ZXDC: variants seen among roughly 807,000 people sequenced by gnomAD.
The protein encoded by ZXDC is ZXD family zinc finger C, also known as zinc finger protein ZXDC.
Under a neutral mutation model 63.6 loss-of-function variants are expected in ZXDC, and 58 were observed. That is an observed-to-expected ratio of 0.91 (90% CI 0.74 to 1.13). The LOEUF is 1.13. Ranked by LOEUF, ZXDC falls within the 50% of genes most tolerant of loss-of-function variation. ZXDC has a pLI of 0.00. For synonymous variants in ZXDC, 561 were observed against 496.1 expected (o/e 1.13, Z -1.74); for missense variants, 1,133 against 1,148.9 (o/e 0.99, Z 0.20).
chr3:126,465,851 T>C (rs1934736027), intron 5 of ZXDC, among the ~76,000 whole-genome samples: 1 of 152,084 alleles, frequency 6.6e-6, no homozygotes, highest in Non-Finnish European at 1.5e-5. Flanking sequence ...CTCTGGAGAC[T>C]GGGGTGGGAG....
At chr3:126,462,336 C>T in intron 5 of ZXDC, 116 bp from the exon 6 acceptor site, 1 of 1,443,204 alleles carries the variant, frequency 6.9e-7, no homozygotes, top group Non-Finnish European at 9.1e-7. Flanking sequence ...TGTCCTCTTC[C>T]CACACCCTGA....
At chr3:126,450,468 C>G in intron 7 of ZXDC, 1 of 456,738 alleles carries the variant, frequency 2.2e-6, no homozygotes, top group Non-Finnish European at 4.4e-6. Flanking sequence ...CCTGCATCCT[C>G]AAAGATGCCC....
At chr3:126,440,136 C>T in intron 8 of ZXDC, 1 of 1,015,014 alleles carries the variant, frequency 9.9e-7, no homozygotes. Context: ...TCCCTGCATG[C>T]CCCAGCTTGC....
At position 126,472,247 on chromosome 3, in the gene ZXDC, G is replaced by C. The variant is rs1935009580; in HGVS notation, c.966C>G (p.Phe322Leu). The change falls in exon 2 of 10, where the codon TTC becomes TTG. Residue 322 changes from phenylalanine to leucine, a missense_variant. Physicochemically the swap from Phe to Leu is conservative, Grantham distance 22 (BLOSUM62 0). Coordinates refer to ENST00000389709, the MANE Select transcript of ZXDC (RefSeq NM_025112.5). ...AGCAGGAAAAGAGCTCTTGTTCCCTGAAGTGGGCTCGGTTATGGGAAAACA... is the reference window on the plus strand; with the variant it reads ...AGCAGGAAAAGAGCTCTTGTTCCCTCAAGTGGGCTCGGTTATGGGAAAACA... ...SALFSHNRAH[F>L]REQELFSCSF... 1 of 1,613,024 alleles carries C rather than the reference G, an allele frequency of 6.2e-7. No individual in the cohort carries two copies. Among genetic ancestry groups the C allele is most frequent in the African/African-American group, 1.3e-5 (1 of 74,914 alleles).
chr3:126,469,513 C>T (rs956387493), intron 4 of ZXDC, among the ~76,000 whole-genome samples: 19 of 152,178 alleles, frequency 1.2e-4, no homozygotes, highest in African/African-American at 3.9e-4. Flanking sequence ...TTCTCTTTTC[C>T]CACTGTTAAG....
chr3:126,469,111 T>C (rs1378081807), intron 4 of ZXDC, among the ~76,000 whole-genome samples: 5 of 152,312 alleles, frequency 3.3e-5, no homozygotes, highest in East Asian at 1.9e-4. Flanking sequence ...GAGCTTCAAG[T>C]GTTTGTCCGA....
At chr3:126,464,590 G>A (rs1293478426) in intron 5 of ZXDC, among the ~76,000 whole-genome samples, 1 of 152,108 alleles carries the variant, frequency 6.6e-6, no homozygotes, top group Admixed American at 6.6e-5. Context: ...CTACAGAAGA[G>A]GGTCTCACAT....
chr3:126,450,541 G>A (rs1282638116), intron 7 of ZXDC: 2 of 456,308 alleles, frequency 4.4e-6, no homozygotes, highest in African/African-American at 4.0e-5. Flanking sequence ...CCACATGCAT[G>A]TGACTAGAAA....
chr3:126,438,881 C>T (rs1933564157), intron 9 of ZXDC, among the ~76,000 whole-genome samples: 1 of 152,222 alleles, frequency 6.6e-6, no homozygotes, highest in Non-Finnish European at 1.5e-5. Flanking sequence ...CCTCCTGCTA[C>T]AAGAAGTGTT....
intron 6 of ZXDC, chr3:126,459,959 G>A (rs1358995416): frequency 3.0e-6 from 3 of 985,366 alleles, no homozygotes; most frequent in Non-Finnish European, 3.6e-6. Context: ...ATCCAGAGAA[G>A]CAAAGTTCAT....
intron 7 of ZXDC, among the ~76,000 whole-genome samples, chr3:126,444,255 G>A (rs11714084): frequency 0.23 from 34,303 of 152,120 alleles, 4,399 homozygotes; most frequent in East Asian, 0.4. Context: ...AATATTGGCC[G>A]GGCGCAGTGG....
At chr3:126,440,480 A>G (rs1576657595) in intron 8 of ZXDC, 2 of 985,558 alleles carry the variant, frequency 2.0e-6, no homozygotes, top group South Asian at 9.4e-5. Flanking sequence ...CCCAGGTTTA[A>G]TCAGGCATCT....
In ZXDC at chr3:126,454,238, C is replaced by G. The variant is rs1022670847; in HGVS notation, c.2212+5415G>C. The G allele has an allele frequency of 7.1e-6, 7 of 984,700 alleles. No individual in the cohort carries two copies. In the East Asian group the frequency reaches 6.8e-4, roughly 96 times the overall value. The allele number at this position is 984,700 out of a possible 1,614,324, so 61.0% of individuals were successfully genotyped here. On this transcript the variant is annotated intron_variant, in intron 7 of 9. Coordinates refer to ENST00000389709, the MANE Select transcript of ZXDC (RefSeq NM_025112.5). Reference sequence around the variant, plus strand: ...TTCTGCTTGATCAGCAAATAATGAACTAATCACTTTCAAACTGCTAGTTTC... The same window carrying G: ...TTCTGCTTGATCAGCAAATAATGAAGTAATCACTTTCAAACTGCTAGTTTC...
rs534863085 is a variant in ZXDC, at chr3:126,462,895, G to T, written c.1442-675C>A. Reference sequence around the variant, plus strand: ...TTCCAGGCATGCTGGGGGCCCCCTAGACGGAGCTTTTCCTGATGGGCTTTC... The same window carrying T: ...TTCCAGGCATGCTGGGGGCCCCCTATACGGAGCTTTTCCTGATGGGCTTTC... On this transcript the variant is annotated intron_variant, in intron 5 of 9. Coordinates refer to ENST00000389709, the MANE Select transcript of ZXDC (RefSeq NM_025112.5). 1.3e-4 allele frequency among the ~76,000 whole-genome samples: 20 copies of T among 152,196 alleles called. No individual in the cohort carries two copies. In the East Asian group the frequency reaches 3.7e-3, roughly 28 times the overall value.
intron 7 of ZXDC, among the ~76,000 whole-genome samples, chr3:126,447,039 A>G (rs1933909182): frequency 1.3e-5 from 2 of 152,326 alleles, no homozygotes; most frequent in South Asian, 4.1e-4. Context: ...CTCACACGAC[A>G]GGTCCTTTGT....
rs1934579982 is a variant in ZXDC at position 126,462,165 on chromosome 3, G to T, written c.1497C>A (p.Ser499Arg). The T allele has an allele frequency of 5.0e-6, 8 of 1,611,330 alleles. No homozygotes were observed. Among genetic ancestry groups the T allele is most frequent in the Non-Finnish European group, 5.1e-6 (6 of 1,179,878 alleles). The change falls in exon 6 of 10, where the codon AGC (serine) becomes AGA (arginine). Residue 499 changes from serine to arginine, a missense_variant. Coordinates refer to ENST00000389709, the MANE Select transcript of ZXDC (RefSeq NM_025112.5). Reference protein sequence around the residue: ...PSSLTPSSELSSPGQSELTNM... With the variant: ...PSSLTPSSELRSPGQSELTNM... ...TAGTGAGCTCACTTTGGCCTGGGCTGCTGAGTTCACTGCTGGGAGTAAGAG... is the reference window on the plus strand; with the variant it reads ...TAGTGAGCTCACTTTGGCCTGGGCTTCTGAGTTCACTGCTGGGAGTAAGAG...
chr3:126,455,694 C>A (rs1934276730), intron 7 of ZXDC, among the ~76,000 whole-genome samples: 1 of 152,166 alleles, frequency 6.6e-6, no homozygotes, highest in South Asian at 2.1e-4. Context: ...CTGACTACAG[C>A]CCAAAGAATC....
rs1160548621 is a variant in ZXDC at position 126,475,272 on chromosome 3, C to A, written c.594G>T (p.Thr198=). The A allele has an allele frequency of 6.4e-7, 1 of 1,553,526 alleles. No individual in the cohort carries two copies. The highest frequency in any genetic ancestry group is 8.7e-7 in the Non-Finnish European group (1 of 1,148,574). ...KKHQLKVHLL[T]HGGGQGRRPF... is the part of the protein sequence containing the mutation. ...GCCGCCGGCCCTGACCGCCGCCGTG[C>A]GTGAGCAGGTGCACCTTGAGCTGGT... The change falls in exon 1 of 10, where the codon ACG becomes ACT. Residue 198 remains threonine, a synonymous_variant. Coordinates refer to ENST00000389709, the MANE Select transcript of ZXDC (RefSeq NM_025112.5).
chr3:126,466,301 C>T lies in ZXDC; in HGVS notation c.1295G>A (p.Arg432His). 12 of 1,614,150 alleles carry T rather than the reference C, an allele frequency of 7.4e-6. No homozygotes were observed. The highest frequency in any genetic ancestry group is 2.2e-5 in the East Asian group (1 of 44,876). Residue 432 changes from arginine to histidine, a missense_variant, in exon 5 of 10, where the codon CGT (arginine) becomes CAT (histidine). Arg to His is a conservative substitution (Grantham distance 29). Transcript: ENST00000389709. ...VEGCCARFSA[R>H]SSLYIHSKKH... Reference sequence around the variant, plus strand: ...CTTAGAGTGAATGTACAGACTGCTACGAGCGGAGAACCTCGCGCAACATCC... The same window carrying T: ...CTTAGAGTGAATGTACAGACTGCTATGAGCGGAGAACCTCGCGCAACATCC...
Sources: allele counts gnomAD v4.1 joint callset (sites outside exome capture counted in the v4.1 genomes callset), GRCh38; gene constraint gnomAD v4.1.1; transcripts MANE v1.5; gene names NCBI Gene and HGNC (gene_info 2026-07-23, HGNC 2026-07-21).